RBPMS2: variants seen among roughly 807,000 people sequenced by gnomAD.
RBPMS2 encodes RNA-binding protein with multiple splicing 2.
In RBPMS2, 14 loss-of-function variants were observed where a neutral mutation model predicts 25.7. The observed-to-expected ratio is 0.55, with a 90% CI of 0.36 to 0.85. The LOEUF is 0.85. Among genes scored for constraint, RBPMS2 ranks in the 40% least tolerant of loss-of-function variants. The pLI is 0.01. For missense variants in RBPMS2, 252 were observed against 283.4 expected (o/e 0.89, Z 0.80); for synonymous variants, 127 against 115.6 (o/e 1.10, Z -0.63).
At chr15:64,761,556 T>G (rs1027030103) in intron 1 of RBPMS2, among the ~76,000 whole-genome samples, 1 of 152,206 alleles carries the variant, frequency 6.6e-6, no homozygotes, top group African/African-American at 2.4e-5. Flanking sequence ...TCGGCTTTTT[T>G]GAGACAGGGT....
intron 1 of RBPMS2, among the ~76,000 whole-genome samples, chr15:64,767,738 G>A (rs1421816910): frequency 6.6e-6 from 1 of 152,072 alleles, no homozygotes; most frequent in Admixed American, 6.6e-5. Context: ...AGTGTGGCAC[G>A]ATCTCACTGC....
Position 64,749,377 on chromosome 15 carries a change from C to A in RBPMS2, c.267+54G>T, listed in dbSNP as rs1282666176. On this transcript the variant is annotated intron_variant, in intron 4 of 7. Transcript: ENST00000300069. ...CCGGGAAATAAGATACATCTGCACA[C>A]CCACTGCCTAAGAGGGCTGTGAGTC... 8.7e-6 allele frequency: 13 copies of A among 1,496,006 alleles called. No individual in the cohort carries two copies. In the East Asian group the frequency reaches 2.9e-4, roughly 34 times the overall value. 92.7% of individuals were successfully genotyped at this position (1,496,006 alleles called of 1,614,324 possible). A position where few individuals can be genotyped will look rare whatever the true frequency, so the allele number is the denominator to read the frequency against.
At chr15:64,765,989 C>CAA (rs11315072) in intron 1 of RBPMS2, among the ~76,000 whole-genome samples, 1 of 144,638 alleles carries the variant, frequency 6.9e-6, no homozygotes, top group Non-Finnish European at 1.5e-5. Context: ...GAGACTGTCT[C>CAA]AAAAAAAAAA....
intron 1 of RBPMS2, among the ~76,000 whole-genome samples, chr15:64,758,541 A>G (rs2083754166): frequency 6.6e-6 from 1 of 150,584 alleles, no homozygotes; most frequent in African/African-American, 2.5e-5. Flanking sequence ...ACCCATACAG[A>G]ATACCACAGA....
At chr15:64,741,886 C>T (rs73457953) in intron 6 of RBPMS2, among the ~76,000 whole-genome samples, 2,400 of 152,246 alleles carry the variant, frequency 0.016, 70 homozygotes, top group African/African-American at 0.055. Flanking sequence ...CCAAACAAGG[C>T]CGGGCGCAGC....
intron 6 of RBPMS2, 80 bp from the exon 7 acceptor site, chr15:64,741,322 T>C: frequency 8.9e-7 from 1 of 1,125,260 alleles, no homozygotes; most frequent in Non-Finnish European, 1.3e-6. Flanking sequence ...GCCATCGGTG[T>C]CCCCGCTGGA....
intron 1 of RBPMS2, among the ~76,000 whole-genome samples, chr15:64,762,122 T>C (rs1024752974): frequency 6.6e-6 from 1 of 152,168 alleles, no homozygotes; most frequent in African/African-American, 2.4e-5. Flanking sequence ...GACTCACGCC[T>C]GGCCTGGTCT....
At chr15:64,751,476 G>A in intron 2 of RBPMS2, 85 bp downstream of exon 2, 1 of 1,182,814 alleles carries the variant, frequency 8.5e-7, no homozygotes, top group Non-Finnish European at 1.3e-6. Context: ...GCATCATCCT[G>A]CTGCCCTGCC....
chr15:64,774,142 G>A (rs2083911189), intron 1 of RBPMS2, among the ~76,000 whole-genome samples: 1 of 152,232 alleles, frequency 6.6e-6, no homozygotes, highest in South Asian at 2.1e-4. Flanking sequence ...CAGCACAAGG[G>A]GAGGAGGCAA....
chr15:64,762,425 C>T (rs747797863), intron 1 of RBPMS2: 1 of 534,782 alleles, frequency 1.9e-6, no homozygotes, highest in Non-Finnish European at 3.8e-6. Flanking sequence ...CTGCAGCCTA[C>T]ATTTCTAAGT....
rs6494493 is a variant in RBPMS2 at position 64,749,423 on chromosome 15, C to A, written c.267+8G>T. 0.85 allele frequency: 1,365,899 copies of A among 1,610,610 alleles called. 591,303 individuals are homozygous for A. The highest frequency in any genetic ancestry group is 0.95 in the East Asian group (42,819 of 44,860). ...GAGTCAGAGAAGACCTGTTCTCCAC[C>A]TACTCACGTTCAGCGCATTCTTGGC... On this transcript the variant is annotated splice_region_variant and intron_variant, in intron 4 of 7. Transcript: ENST00000300069.
At chr15:64,744,789 G>GTTT (rs1567062867) in intron 6 of RBPMS2, among the ~76,000 whole-genome samples, 2 of 61,622 alleles carry the variant, frequency 3.2e-5, no homozygotes, top group African/African-American at 1.2e-4. Context: ...AGTTTTTTTG[G>GTTT]TTTGTTTTGT....
In RBPMS2 at chr15:64,755,229, G is replaced by A. The variant is rs117022669; in HGVS notation, c.88-3591C>T. Among the ~76,000 whole-genome samples the A allele has an allele frequency of 4.3e-3, 655 of 152,076 alleles. 3 individuals are homozygous for A. Among genetic ancestry groups the A allele is most frequent in the Non-Finnish European group, 7.8e-3 (527 of 67,990 alleles). ...TGGGTCCGATGACCCTTTTCCTCAG[G>A]GTTCCATCTTTCAGGTTCTATAGAG... On this transcript the variant is annotated intron_variant, in intron 1 of 7. Transcript: ENST00000300069.
chr15:64,764,831 T>C (rs1022071432), intron 1 of RBPMS2, among the ~76,000 whole-genome samples: 6 of 148,080 alleles, frequency 4.1e-5, no homozygotes, highest in Admixed American at 2.7e-4. Flanking sequence ...GGCAGGAGAA[T>C]GGTGTGAACC....
intron 6 of RBPMS2, among the ~76,000 whole-genome samples, chr15:64,747,753 C>A (rs865934119): frequency 6.6e-6 from 1 of 152,190 alleles, no homozygotes; most frequent in South Asian, 2.1e-4. Flanking sequence ...GGGCACCCAG[C>A]CCAGCACCCC....
intron 1 of RBPMS2, among the ~76,000 whole-genome samples, chr15:64,757,057 C>T (rs1417272269): frequency 6.7e-6 from 1 of 148,462 alleles, no homozygotes; most frequent in East Asian, 2.0e-4. Flanking sequence ...ACTGCAGCAT[C>T]AAACTCTTAG....
chr15:64,767,768 T>G (rs1185325757), intron 1 of RBPMS2, among the ~76,000 whole-genome samples: 1 of 152,034 alleles, frequency 6.6e-6, no homozygotes, highest in Non-Finnish European at 1.5e-5. Flanking sequence ...CTCCCAGGTT[T>G]AAGTCATTCT....
intron 1 of RBPMS2, among the ~76,000 whole-genome samples, chr15:64,769,611 G>C (rs963954109): frequency 5.3e-5 from 8 of 151,922 alleles, no homozygotes; most frequent in African/African-American, 1.5e-4. Flanking sequence ...AGTGAGCTGA[G>C]ATCGCGCCAC....
chr15:64,764,377 T>C (rs2083822250), intron 1 of RBPMS2, among the ~76,000 whole-genome samples: 1 of 152,110 alleles, frequency 6.6e-6, no homozygotes, highest in African/African-American at 2.4e-5. Flanking sequence ...TTAAACCACA[T>C]GATGCTATGC....
Sources: gnomAD v4.1 joint callset for allele counts (sites outside exome capture counted in the v4.1 genomes callset) on GRCh38, gnomAD v4.1.1 for gene constraint, MANE v1.5 for transcripts, NCBI Gene and HGNC (gene_info 2026-07-23, HGNC 2026-07-21) for gene names.